The following EXT2 variants were observed in gnomAD, a reference collection of about 807,000 sequenced individuals.
EXT2 encodes exostosin glycosyltransferase 2, also known as exostosin-2.
In EXT2, 53 loss-of-function variants were observed where a neutral mutation model predicts 81.6. The observed-to-expected ratio is 0.65, with a 90% CI of 0.52 to 0.82. EXT2 has a LOEUF of 0.82. Among genes scored for constraint, EXT2 ranks in the 40% least tolerant of loss-of-function variants. EXT2 has a pLI of 0.00. For missense variants in EXT2, 774 were observed against 910.2 expected, an observed-to-expected ratio of 0.85 and a Z score of 1.93; for synonymous variants, 320 against 340.0, an observed-to-expected ratio of 0.94 and a Z score of 0.65.
intron 10 of EXT2, among the ~76,000 whole-genome samples, chr11:44,231,870 G>A (rs895356845): frequency 6.6e-6 from 1 of 152,064 alleles, no homozygotes; most frequent in East Asian, 1.9e-4. Context: ...TATCCTTTAG[G>A]CTTCCAGTAG....
At chr11:44,238,318 G>T (rs1955994214) in intron 13 of EXT2, among the ~76,000 whole-genome samples, 1 of 152,122 alleles carries the variant, frequency 6.6e-6, no homozygotes, top group Non-Finnish European at 1.5e-5. Context: ...GAGTAGCTGG[G>T]ACTACAGGTG....
intron 8 of EXT2, among the ~76,000 whole-genome samples, chr11:44,176,922 T>TA (rs35564934): frequency 0.42 from 55,946 of 131,754 alleles, 11,627 homozygotes; most frequent in Middle Eastern, 0.49. Context: ...TAGTTTAATG[T>TA]AAAAAAAAAA....
At chr11:44,136,422 A>G (rs1258496848) in intron 7 of EXT2, among the ~76,000 whole-genome samples, 4 of 152,336 alleles carry the variant, frequency 2.6e-5, no homozygotes, top group East Asian at 1.9e-4. Flanking sequence ...GCTGCCTACA[A>G]CTTCATTCAA....
At chr11:44,125,609 G>T (rs1954389951) in intron 5 of EXT2, among the ~76,000 whole-genome samples, 1 of 152,068 alleles carries the variant, frequency 6.6e-6, no homozygotes, top group Non-Finnish European at 1.5e-5. Context: ...ATGAGAAATT[G>T]AGCTTTGTTC....
rs138244324 is a variant in EXT2, at chr11:44,249,329, CAGTT to C, written c.*5043_*5046del. 9.6e-3 allele frequency among the ~76,000 whole-genome samples: 1,463 copies of C among 152,268 alleles called. 103 individuals carry two copies. In the East Asian group the frequency reaches 0.19, roughly 20 times the overall value. ...AGCACTTTTTCCTTTCTTCTGCTCT[CAGTT>C]GGTTGGACCACTGGTTGCATCTCTT... On this transcript the variant is annotated 3_prime_UTR_variant, in exon 14 of 14. Coordinates refer to ENST00000533608, the MANE Select transcript of EXT2 (RefSeq NM_207122.2).
intron 7 of EXT2, chr11:44,144,353 A>G: frequency 1.3e-6 from 2 of 1,592,278 alleles, no homozygotes; most frequent in Non-Finnish European, 1.7e-6. Flanking sequence ...TGGGTGACTT[A>G]GAAAACCGGG....
Position 44,158,431 on chromosome 11 carries a change from G to A in EXT2, c.1174-13180G>A, listed in dbSNP as rs75175249. Among the ~76,000 whole-genome samples, 868 of 152,170 alleles carry A rather than the reference G, an allele frequency of 5.7e-3. 13 individuals carry two copies. Among genetic ancestry groups the A allele is most frequent in the African/African-American group, 0.019 (804 of 41,510 alleles). Reference sequence around the variant, plus strand: ...GGGATGGCAAAGCCTGGATGACAGCGTATCAGTTTATAGCATGGTTTATGA... The same window carrying A: ...GGGATGGCAAAGCCTGGATGACAGCATATCAGTTTATAGCATGGTTTATGA... On this transcript the variant is annotated intron_variant, in intron 7 of 13. Coordinates refer to ENST00000533608, the MANE Select transcript of EXT2 (RefSeq NM_207122.2).
intron 8 of EXT2, among the ~76,000 whole-genome samples, chr11:44,181,007 G>A (rs1164236614): frequency 6.6e-6 from 1 of 152,022 alleles, no homozygotes; most frequent in Non-Finnish European, 1.5e-5. Flanking sequence ...AGGCTGAGGT[G>A]GGAGAATCAC....
chr11:44,171,968 ACTGT>A (rs1158598036), intron 8 of EXT2: 4 of 592,044 alleles, frequency 6.8e-6, no homozygotes, highest in East Asian at 3.0e-5. Context: ...GCTTAGAAAG[ACTGT>A]CTATTTATTG....
At chr11:44,194,180 A>G (rs921773055) in intron 8 of EXT2, among the ~76,000 whole-genome samples, 1 of 152,204 alleles carries the variant, frequency 6.6e-6, no homozygotes, top group African/African-American at 2.4e-5. Context: ...TCTCCCAAAG[A>G]ACAGACCTCA....
chr11:44,192,878 G>A (rs910225232), intron 8 of EXT2, among the ~76,000 whole-genome samples: 4 of 152,118 alleles, frequency 2.6e-5, no homozygotes, highest in East Asian at 1.9e-4. Context: ...AACTAGGTTC[G>A]GAGTCATTTC....
intron 8 of EXT2, among the ~76,000 whole-genome samples, chr11:44,180,498 C>T (rs1955220613): frequency 6.6e-6 from 1 of 152,072 alleles, no homozygotes; most frequent in South Asian, 2.1e-4. Context: ...ATTTAATTTT[C>T]CTGGATTCCC....
rs758447708 is a variant in EXT2 at position 44,125,002 on chromosome 11, C to A, written c.939+18C>A. 6.2e-7 allele frequency: 1 copy of A among 1,610,738 alleles called. No homozygotes were observed. Among genetic ancestry groups the A allele is most frequent in the Non-Finnish European group, 8.5e-7 (1 of 1,179,422 alleles). Reference sequence around the variant, plus strand: ...TGCTACAGGTGAGTGTCATTCATTACCTCTCGCAAAGGCTCAGGAGAGTTT... The same window carrying A: ...TGCTACAGGTGAGTGTCATTCATTAACTCTCGCAAAGGCTCAGGAGAGTTT... On this transcript the variant is annotated intron_variant, in intron 5 of 13. Coordinates refer to ENST00000533608, the MANE Select transcript of EXT2 (RefSeq NM_207122.2).
intron 11 of EXT2, 119 bp from the exon 12 acceptor site, chr11:44,233,996 C>A (rs1955928740): frequency 7.1e-7 from 1 of 1,407,932 alleles, no homozygotes. Context: ...TTAATACAGC[C>A]TTGTGATTAA....
At chr11:44,120,989 G>GT (rs1254798760) in intron 4 of EXT2, among the ~76,000 whole-genome samples, 1 of 152,190 alleles carries the variant, frequency 6.6e-6, no homozygotes, top group African/African-American at 2.4e-5. Context: ...AATTTAGTTG[G>GT]TTTAAAACTA....
intron 1 of EXT2, among the ~76,000 whole-genome samples, chr11:44,099,160 C>T (rs1953946345): frequency 6.6e-6 from 1 of 151,906 alleles, no homozygotes; most frequent in Non-Finnish European, 1.5e-5. Context: ...CACCACCACA[C>T]CTGGCTAATT....
intron 7 of EXT2, among the ~76,000 whole-genome samples, chr11:44,166,856 AT>A (rs1307148815): frequency 6.6e-6 from 1 of 152,230 alleles, no homozygotes; most frequent in Non-Finnish European, 1.5e-5. Context: ...TTCTGCTCGG[AT>A]AAGAAACTGC....
rs549298353 is a variant in EXT2 at position 44,245,172 on chromosome 11, A to T, written c.*885A>T. Reference sequence around the variant, plus strand: ...GTTTGCTTCCTGATTAGATCCAGTCAATGTTTTAAAGGTATTGTCAGAGAA... The same window carrying T: ...GTTTGCTTCCTGATTAGATCCAGTCTATGTTTTAAAGGTATTGTCAGAGAA... On this transcript the variant is annotated 3_prime_UTR_variant, in exon 14 of 14. Transcript: ENST00000533608. The T allele has an allele frequency of 4.4e-6, 1 of 229,298 alleles. No homozygotes were observed. The highest frequency in any genetic ancestry group is 6.2e-5 in the East Asian group (1 of 16,098). 14.2% of individuals were successfully genotyped at this position (229,298 alleles called of 1,614,324 possible).
At chr11:44,236,257 C>G (rs530683423) in intron 12 of EXT2, 36 bp from the exon 13 acceptor site, 3 of 1,593,176 alleles carry the variant, frequency 1.9e-6, no homozygotes, top group Non-Finnish European at 2.6e-6. Context: ...GTCCTTGACA[C>G]TGACAGCCAG....
Sources: allele counts gnomAD v4.1 joint callset (sites outside exome capture counted in the v4.1 genomes callset), GRCh38; gene constraint gnomAD v4.1.1; transcripts MANE v1.5; gene names NCBI Gene and HGNC (gene_info 2026-07-23, HGNC 2026-07-21).